The following DISC1 variants were observed in gnomAD, a reference collection of about 807,000 sequenced individuals.
The protein encoded by DISC1 is disrupted in schizophrenia 1 protein.
A neutral mutation model predicts 84.5 loss-of-function variants in DISC1; 57 were observed. The ratio of observed to expected loss-of-function variants is 0.67; its 90% CI spans 0.55 to 0.84. DISC1 has a LOEUF of 0.84. DISC1 is among the 40% of genes least tolerant of loss of function. The pLI is 0.00. For synonymous variants in DISC1, 411 were observed against 415.2 expected, an observed-to-expected ratio of 0.99 and a Z score of 0.12; for missense variants, 1,000 against 1,057.8, an observed-to-expected ratio of 0.95 and a Z score of 0.76.
chr1:231,832,181 C>G (rs1466353671), intron 9 of DISC1, among the ~76,000 whole-genome samples: 3 of 151,738 alleles, frequency 2.0e-5, no homozygotes, highest in Non-Finnish European at 4.4e-5. Flanking sequence ...GTATATGCCT[C>G]AGGTGTGAGG....
At chr1:231,994,266 A>G (rs1469858197) in intron 10 of DISC1, among the ~76,000 whole-genome samples, 2 of 152,200 alleles carry the variant, frequency 1.3e-5, no homozygotes, top group African/African-American at 2.4e-5. Flanking sequence ...AGAGGGGGCC[A>G]CTGACCAGGC....
intron 10 of DISC1, among the ~76,000 whole-genome samples, chr1:231,960,091 C>T (rs1660175316): frequency 6.6e-6 from 1 of 152,080 alleles, no homozygotes; most frequent in Admixed American, 6.6e-5. Context: ...TAGGTAAGTG[C>T]TCACTTTCTG....
At chr1:231,930,424 C>T (rs974751943) in intron 9 of DISC1, among the ~76,000 whole-genome samples, 13 of 152,178 alleles carry the variant, frequency 8.5e-5, no homozygotes, top group Admixed American at 2.0e-4. Flanking sequence ...CTTATCTAAT[C>T]TTTACCCTAA....
At chr1:231,937,810 A>T (rs2091073181) in intron 9 of DISC1, among the ~76,000 whole-genome samples, 1 of 151,590 alleles carries the variant, frequency 6.6e-6, no homozygotes, top group African/African-American at 2.4e-5. Flanking sequence ...ACATGCATGT[A>T]TGTTTGCGTG....
At chr1:231,994,550 T>C (rs1252187351) in intron 10 of DISC1, among the ~76,000 whole-genome samples, 1 of 152,188 alleles carries the variant, frequency 6.6e-6, no homozygotes, top group Admixed American at 6.5e-5. Context: ...TTTAAAACAC[T>C]ACAATGTAGC....
chr1:231,840,293 A>G (rs1439241304), intron 9 of DISC1, among the ~76,000 whole-genome samples: 1 of 151,968 alleles, frequency 6.6e-6, no homozygotes, highest in Non-Finnish European at 1.5e-5. Flanking sequence ...TGGCAATTCC[A>G]CTCCTGGGTA....
In DISC1 at chr1:231,722,525, T is replaced by C. The variant is rs763954029; in HGVS notation, c.1117+20501T>C. On this transcript the variant is annotated intron_variant, in intron 3 of 12. Transcript: ENST00000439617. Reference sequence around the variant, plus strand: ...GTCCATTCCACTCAGAGGTATTCATTTTCTTCTTGGCAGCTGGAACCAATT... The same window carrying C: ...GTCCATTCCACTCAGAGGTATTCATCTTCTTCTTGGCAGCTGGAACCAATT... The C allele has an allele frequency of 2.5e-5, 41 of 1,614,054 alleles. 1 individual carries two copies. The South Asian group carries it at 4.0e-4, about 16-fold the overall frequency.
chr1:231,817,276 G>A (rs1439697008), intron 8 of DISC1, among the ~76,000 whole-genome samples: 2 of 152,036 alleles, frequency 1.3e-5, no homozygotes, highest in Non-Finnish European at 2.9e-5. Context: ...GTAGAGATAG[G>A]GTTTCGCCAT....
At chr1:231,697,484 GGCTGGGGT>G in intron 2 of DISC1, among the ~76,000 whole-genome samples, 1 of 152,038 alleles carries the variant, frequency 6.6e-6, no homozygotes, top group Non-Finnish European at 1.5e-5. Flanking sequence ...CTGTCTTCCA[GGCTGGGGT>G]GCAGTGGTGT....
intron 6 of DISC1, among the ~76,000 whole-genome samples, chr1:231,790,120 A>G (rs1266889656): frequency 3.3e-5 from 5 of 152,162 alleles, no homozygotes; most frequent in African/African-American, 1.2e-4. Context: ...GGCAGATTGA[A>G]AAGAAACCGT....
chr1:231,702,385 G>C (rs895428633), intron 3 of DISC1: 4 of 1,012,324 alleles, frequency 4.0e-6, no homozygotes, highest in South Asian at 4.1e-5. Flanking sequence ...GGGAATATGG[G>C]AGACAATAGG....
chr1:231,940,324 G>A (rs1476374168), intron 9 of DISC1, among the ~76,000 whole-genome samples: 1 of 152,162 alleles, frequency 6.6e-6, no homozygotes, highest in Middle Eastern at 3.2e-3. Flanking sequence ...GCACATACCT[G>A]CCGAGTGAGT....
chr1:231,875,501 A>T (rs1391004834), intron 9 of DISC1, among the ~76,000 whole-genome samples: 2 of 152,216 alleles, frequency 1.3e-5, no homozygotes, highest in East Asian at 3.8e-4. Flanking sequence ...CCCCTTGGGT[A>T]CTTGGGCAAT....
intron 9 of DISC1, among the ~76,000 whole-genome samples, chr1:231,869,903 AAAT>A (rs1437683715): frequency 6.6e-6 from 1 of 152,162 alleles, no homozygotes; most frequent in Admixed American, 6.5e-5. Flanking sequence ...TTTCTAGATA[AAAT>A]TCTTACTATC....
chr1:232,021,670 T>G (rs1442260765), intron 11 of DISC1, among the ~76,000 whole-genome samples: 2 of 152,244 alleles, frequency 1.3e-5, no homozygotes, highest in Admixed American at 1.3e-4. Flanking sequence ...TGCGAGGTTC[T>G]GTGTAGGGAC....
intron 6 of DISC1, among the ~76,000 whole-genome samples, chr1:231,787,408 G>C (rs1416191021): frequency 6.6e-6 from 1 of 152,074 alleles, no homozygotes; most frequent in Admixed American, 6.6e-5. Flanking sequence ...GAGAGTGAGA[G>C]TGAGAGCATG....
chr1:231,959,073 T>TA, intron 10 of DISC1, 185 bp downstream of exon 10: 1 of 1,377,224 alleles, frequency 7.3e-7, no homozygotes, highest in Non-Finnish European at 9.3e-7. Flanking sequence ...TCTTGTCTTT[T>TA]AAAAAGTAAG....
chr1:231,882,352 C>T (rs2086346586), intron 9 of DISC1, among the ~76,000 whole-genome samples: 1 of 152,084 alleles, frequency 6.6e-6, no homozygotes, highest in South Asian at 2.1e-4. Flanking sequence ...GAGGTGATCT[C>T]CAGAATCCCC....
intron 9 of DISC1, among the ~76,000 whole-genome samples, chr1:231,929,400 T>A (rs139932069): frequency 5.4e-4 from 83 of 152,302 alleles, no homozygotes; most frequent in African/African-American, 1.9e-3. Flanking sequence ...CAATACACAA[T>A]CTCACAGCCA....
Sources: gnomAD v4.1 joint callset for allele counts (sites outside exome capture counted in the v4.1 genomes callset) on GRCh38, gnomAD v4.1.1 for gene constraint, MANE v1.5 for transcripts, NCBI Gene and HGNC (gene_info 2026-07-23, HGNC 2026-07-21) for gene names.